The following ANK3 variants were observed in gnomAD, a reference collection of about 807,000 sequenced individuals.
ANK3 encodes the protein ankyrin 3, also known as ankyrin-3.
Under a neutral mutation model 370.9 loss-of-function variants are expected in ANK3, and 57 were observed. The ratio of observed to expected loss-of-function variants is 0.15; its 90% confidence interval spans 0.12 to 0.19. ANK3 has a LOEUF of 0.19. Among genes scored for constraint, ANK3 ranks in the 10% least tolerant of loss-of-function variants. The probability of loss-of-function intolerance (pLI) is 1.00; values close to 1 mark genes in which losing one functional copy is unlikely to be tolerated. For synonymous variants in ANK3, 1,929 were observed against 1,946.3 expected (o/e 0.99, Z 0.23); for missense variants, 4,439 against 5,302.1 (o/e 0.84, Z 5.06).
intron 1 of ANK3, among the ~76,000 whole-genome samples, chr10:60,337,860 A>G (rs549713607): frequency 6.6e-6 from 1 of 152,346 alleles, no homozygotes; most frequent in East Asian, 1.9e-4. Context: ...TTGGAGTACC[A>G]TATTAGGAAA....
At chr10:60,667,792 C>G (rs1474070414) in intron 1 of ANK3, among the ~76,000 whole-genome samples, 1 of 151,408 alleles carries the variant, frequency 6.6e-6, no homozygotes, top group East Asian at 1.9e-4. Flanking sequence ...CAGCTCAGTT[C>G]TATCCTCAAT....
intron 43 of ANK3, among the ~76,000 whole-genome samples, chr10:60,039,064 T>C (rs992748161): frequency 6.6e-6 from 1 of 152,212 alleles, no homozygotes; most frequent in African/African-American, 2.4e-5. Flanking sequence ...GTCCCATTTC[T>C]TTTTCCCATT....
intron 2 of ANK3, among the ~76,000 whole-genome samples, chr10:60,553,556 T>A (rs954561797): frequency 2.0e-5 from 3 of 152,176 alleles, no homozygotes; most frequent in Non-Finnish European, 4.4e-5. Flanking sequence ...TCCAGATTTT[T>A]TCAGCTACGG....
At chr10:60,387,246 C>A (rs1019541211) in intron 1 of ANK3, among the ~76,000 whole-genome samples, 6 of 152,056 alleles carry the variant, frequency 3.9e-5, no homozygotes, top group African/African-American at 1.4e-4. Flanking sequence ...TTAGAAGCAG[C>A]ATTTTTTATT....
intron 17 of ANK3, among the ~76,000 whole-genome samples, chr10:60,185,767 C>T (rs2096308232): frequency 6.6e-6 from 1 of 152,042 alleles, no homozygotes; most frequent in Non-Finnish European, 1.5e-5. Flanking sequence ...TGTTTTGGGT[C>T]AATCTTAATG....
intron 42 of ANK3, chr10:60,044,130 T>A: frequency 5.1e-6 from 5 of 985,604 alleles, no homozygotes; most frequent in Non-Finnish European, 6.0e-6. Context: ...ACTTTCCGAG[T>A]GATCTGTAGG....
chr10:60,066,317 T>G (rs927075556), intron 38 of ANK3, among the ~76,000 whole-genome samples: 1 of 152,292 alleles, frequency 6.6e-6, no homozygotes, highest in South Asian at 2.1e-4. Flanking sequence ...CTGTATTTGC[T>G]TAAGGAAAAT....
intron 1 of ANK3, among the ~76,000 whole-genome samples, chr10:60,366,905 C>G (rs1242123748): frequency 2.0e-5 from 3 of 152,112 alleles, no homozygotes; most frequent in Non-Finnish European, 4.4e-5. Flanking sequence ...AGCACTGTAT[C>G]CCATCCCTTT....
intron 1 of ANK3, among the ~76,000 whole-genome samples, chr10:60,698,915 A>AATAATAATC (rs988240392): frequency 6.7e-6 from 1 of 148,168 alleles, no homozygotes; most frequent in African/African-American, 2.4e-5. Context: ...TAATAATAAT[A>AATAATAATC]ATAATAAAGA....
At chr10:60,492,840 G>T (rs1458652301) in intron 2 of ANK3, among the ~76,000 whole-genome samples, 2 of 151,542 alleles carry the variant, frequency 1.3e-5, no homozygotes, top group Non-Finnish European at 2.9e-5. Context: ...ACTTTGGGAG[G>T]CCGAGACAGG....
intron 2 of ANK3, among the ~76,000 whole-genome samples, chr10:60,517,946 C>T (rs1567112297): frequency 6.6e-6 from 1 of 152,092 alleles, no homozygotes; most frequent in Non-Finnish European, 1.5e-5. Context: ...TGCTTAACCT[C>T]GCTCTGCTCC....
intron 36 of ANK3, among the ~76,000 whole-genome samples, chr10:60,078,567 T>TTA (rs2084353776): frequency 6.6e-6 from 1 of 152,184 alleles, no homozygotes; most frequent in Non-Finnish European, 1.5e-5. Context: ...GTCTATGGTT[T>TTA]TATACTTCGC....
At chr10:60,623,471 CAT>C (rs796329444) in intron 1 of ANK3, among the ~76,000 whole-genome samples, 158 of 152,160 alleles carry the variant, frequency 1.0e-3, no homozygotes, top group African/African-American at 3.6e-3. Flanking sequence ...GGTAGGAAAA[CAT>C]AGGGTGATTA....
At chr10:60,189,738 GACCTAC>G (rs1367080434) in intron 16 of ANK3, among the ~76,000 whole-genome samples, 1 of 152,152 alleles carries the variant, frequency 6.6e-6, no homozygotes, top group Non-Finnish European at 1.5e-5. Flanking sequence ...GAATAATTCT[GACCTAC>G]AGGGTTTTTT....
At chr10:60,113,228 T>G (rs2132109868) in intron 26 of ANK3, among the ~76,000 whole-genome samples, 1 of 152,260 alleles carries the variant, frequency 6.6e-6, no homozygotes, top group Non-Finnish European at 1.5e-5. Flanking sequence ...TTCTTTTTAT[T>G]CATTTTTTAA....
intron 16 of ANK3, among the ~76,000 whole-genome samples, chr10:60,193,732 T>C (rs1462555453): frequency 6.6e-6 from 1 of 152,182 alleles, no homozygotes; most frequent in Non-Finnish European, 1.5e-5. Flanking sequence ...ACACTGCTTT[T>C]TGTGCCAAAA....
At chr10:60,402,301 A>G (rs1271785796) in intron 2 of ANK3, among the ~76,000 whole-genome samples, 1 of 152,222 alleles carries the variant, frequency 6.6e-6, no homozygotes, top group Non-Finnish European at 1.5e-5. Context: ...AAATAAAAAA[A>G]TGCATAAGTA....
chr10:60,448,077 A>C (rs564926415), intron 2 of ANK3, among the ~76,000 whole-genome samples: 92 of 152,148 alleles, frequency 6.0e-4, no homozygotes, highest in Non-Finnish European at 1.2e-3. Context: ...AGCAGCTTAG[A>C]TGAGACTCAC....
intron 1 of ANK3, among the ~76,000 whole-genome samples, chr10:60,337,504 C>T (rs773923334): frequency 6.6e-6 from 1 of 152,150 alleles, no homozygotes; most frequent in Non-Finnish European, 1.5e-5. Flanking sequence ...TCTTATCAGG[C>T]TCCGACTGAA....
Sources: allele counts gnomAD v4.1 joint callset (sites outside exome capture counted in the v4.1 genomes callset), GRCh38; gene constraint gnomAD v4.1.1; transcripts MANE v1.5; gene names NCBI Gene and HGNC (gene_info 2026-07-23, HGNC 2026-07-21).